PTPRD: variants seen among roughly 807,000 people sequenced by gnomAD.
PTPRD encodes protein tyrosine phosphatase receptor type D.
A neutral mutation model predicts 214.5 loss-of-function variants in PTPRD; 34 were observed. The observed-to-expected ratio is 0.16, with a 90% CI of 0.12 to 0.21. The LOEUF is 0.21. Among genes scored for constraint, PTPRD ranks in the 10% least tolerant of loss-of-function variants. The pLI, the probability that PTPRD is intolerant of heterozygous loss-of-function variation, is 1.00. For missense variants in PTPRD, 2,545 were observed against 2,398.7 expected, an observed-to-expected ratio of 1.06 and a Z score of -1.27; for synonymous variants, 1,128 against 845.7, an observed-to-expected ratio of 1.33 and a Z score of -5.79.
intron 2 of PTPRD, among the ~76,000 whole-genome samples, chr9:10,605,258 A>T (rs1221016071): frequency 6.6e-6 from 1 of 151,810 alleles, no homozygotes; most frequent in African/African-American, 2.4e-5. Flanking sequence ...CACTTCTGCT[A>T]TTATGCTTTG....
intron 11 of PTPRD, among the ~76,000 whole-genome samples, chr9:8,818,215 A>T (rs182628213): frequency 2.5e-4 from 37 of 146,232 alleles, no homozygotes; most frequent in African/African-American, 8.8e-4. Context: ...TTTAAACATA[A>T]AATTGTATAC....
intron 11 of PTPRD, among the ~76,000 whole-genome samples, chr9:8,922,441 C>T (rs749301752): frequency 2.6e-5 from 4 of 152,298 alleles, no homozygotes; most frequent in East Asian, 1.9e-4. Context: ...TTACCTCCTA[C>T]GAATATGAGA....
At chr9:9,776,280 C>G (rs1321386238) in intron 5 of PTPRD, among the ~76,000 whole-genome samples, 1 of 152,134 alleles carries the variant, frequency 6.6e-6, no homozygotes, top group East Asian at 1.9e-4. Flanking sequence ...CTAATTCTTT[C>G]AGTACTAAGT....
intron 3 of PTPRD, among the ~76,000 whole-genome samples, chr9:10,297,103 TTA>T (rs372429613): frequency 0.092 from 13,347 of 144,952 alleles, 677 homozygotes; most frequent in Non-Finnish European, 0.11. Flanking sequence ...ATCAGAAATT[TTA>T]TATATATATA....
intron 3 of PTPRD, among the ~76,000 whole-genome samples, chr9:10,088,607 C>T (rs948284236): frequency 3.3e-5 from 5 of 151,744 alleles, no homozygotes; most frequent in African/African-American, 1.2e-4. Context: ...TGGAGTTTTA[C>T]TGAACACAAA....
chr9:9,632,809 G>C (rs2095634832), intron 7 of PTPRD, among the ~76,000 whole-genome samples: 1 of 152,122 alleles, frequency 6.6e-6, no homozygotes, highest in South Asian at 2.1e-4. Context: ...TGGCACTATG[G>C]GAACTAAGAA....
chr9:10,223,143 T>C (rs762170587), intron 3 of PTPRD, among the ~76,000 whole-genome samples: 3 of 152,024 alleles, frequency 2.0e-5, no homozygotes, highest in Non-Finnish European at 4.4e-5. Flanking sequence ...CTTTTCCTCA[T>C]GCATTTTCCT....
chr9:8,329,886 G>C (rs1838052845), intron 44 of PTPRD, among the ~76,000 whole-genome samples: 1 of 150,334 alleles, frequency 6.7e-6, no homozygotes, highest in South Asian at 2.1e-4. Context: ...AATGGCCCAG[G>C]TGGACCTCAG....
In PTPRD at chr9:9,437,516, C is replaced by T. The variant is rs1412874; in HGVS notation, c.-236-40034G>A. Among the ~76,000 whole-genome samples the T allele has an allele frequency of 0.01, 1,522 of 152,154 alleles. 29 individuals are homozygous for T. In the East Asian group the frequency reaches 0.1, roughly 10 times the overall value. ...AATATATTTTAAAATTTCATAACTA[C>T]ATTCTTTTCTCTATTATCTGGCAGA... is the stretch of plus-strand genomic sequence containing the variant. On this transcript the variant is annotated intron_variant, in intron 8 of 45. Transcript: ENST00000381196.
chr9:8,791,523 C>CTT (rs34501354), intron 11 of PTPRD, among the ~76,000 whole-genome samples: 2,802 of 86,700 alleles, frequency 0.032, 154 homozygotes, highest in African/African-American at 0.054. Flanking sequence ...CATGCCCAGA[C>CTT]TTTTTTTTTT....
intron 2 of PTPRD, among the ~76,000 whole-genome samples, chr9:10,538,036 G>A (rs991852101): frequency 6.6e-5 from 10 of 151,982 alleles, no homozygotes; most frequent in African/African-American, 2.4e-4. Context: ...GCTCCTTGAT[G>A]TCAGACAGAC....
At chr9:9,267,140 T>C (rs1039403553) in intron 9 of PTPRD, among the ~76,000 whole-genome samples, 1 of 151,314 alleles carries the variant, frequency 6.6e-6, no homozygotes, top group Admixed American at 6.6e-5. Flanking sequence ...GAAACATCAC[T>C]ATGTACTGAA....
chr9:9,288,921 A>G (rs1441789502), intron 9 of PTPRD, among the ~76,000 whole-genome samples: 1 of 151,842 alleles, frequency 6.6e-6, no homozygotes, highest in African/African-American at 2.4e-5. Flanking sequence ...CACTATGTGA[A>G]GAAGCACATG....
rs567232094 is a variant in PTPRD at position 8,785,785 on chromosome 9, G to A, written c.-103-51839C>T. Among the ~76,000 whole-genome samples, 16 of 152,290 alleles carry A rather than the reference G, an allele frequency of 1.1e-4. No individual in the cohort carries two copies. The East Asian group carries it at 3.1e-3, about 29-fold the overall frequency. On this transcript the variant is annotated intron_variant, in intron 11 of 45. Transcript: ENST00000381196. ...AGTTAAAGTAAAGCTTCAAACTAGG[G>A]TAGCTGAGGTTATAGTCAATATACA...
chr9:10,313,471 T>C (rs959666447), intron 3 of PTPRD, among the ~76,000 whole-genome samples: 2 of 151,742 alleles, frequency 1.3e-5, no homozygotes, highest in African/African-American at 4.8e-5. Context: ...CACTTCACAG[T>C]GCTACTAGAA....
Position 10,303,270 on chromosome 9 carries a change from G to A in PTPRD, c.-545+37693C>T, listed in dbSNP as rs528748224. On this transcript the variant is annotated intron_variant, in intron 3 of 45. Coordinates refer to ENST00000381196, the MANE Select transcript of PTPRD (RefSeq NM_002839.4). ...GGGACACATTTAAAGCAGTGTTTAG[G>A]GGAAATTTATAGCACTAAATACCCA... Among the ~76,000 whole-genome samples, 3 of 152,092 alleles carry A rather than the reference G, an allele frequency of 2.0e-5. No homozygotes were observed. In the East Asian group the frequency reaches 5.8e-4, roughly 29 times the overall value.
At chr9:9,397,746 A>AT (rs1387019799) in intron 8 of PTPRD, among the ~76,000 whole-genome samples, 1 of 151,910 alleles carries the variant, frequency 6.6e-6, no homozygotes, top group East Asian at 1.9e-4. Context: ...TTGCACCAAT[A>AT]TTTTCTTCTG....
At chr9:8,635,216 T>C (rs970175079) in intron 13 of PTPRD, among the ~76,000 whole-genome samples, 2 of 151,362 alleles carry the variant, frequency 1.3e-5, no homozygotes, top group African/African-American at 2.4e-5. Context: ...AATTAGGCAT[T>C]GAGCAGAGAT....
chr9:10,009,823 C>A (rs76883421), intron 4 of PTPRD, among the ~76,000 whole-genome samples: 1 of 151,842 alleles, frequency 6.6e-6, no homozygotes, highest in African/African-American at 2.4e-5. Flanking sequence ...TCTCGTGTAA[C>A]GCTATACTAG....
Sources: allele counts gnomAD v4.1 joint callset (sites outside exome capture counted in the v4.1 genomes callset), GRCh38; gene constraint gnomAD v4.1.1; transcripts MANE v1.5; gene names NCBI Gene and HGNC (gene_info 2026-07-23, HGNC 2026-07-21).